ENTREP2: variants seen among roughly 807,000 people sequenced by gnomAD.
ENTREP2 encodes the protein endosomal transmembrane epsin interactor 2.
chr15:29,205,758 C>T, the ENTREP2 span, among the ~76,000 whole-genome samples: 2 of 152,192 alleles, frequency 1.3e-5, no homozygotes, highest in South Asian at 4.1e-4. Flanking sequence ...TTTTCACCCA[C>T]GGAGCCTCTT....
the ENTREP2 span, among the ~76,000 whole-genome samples, chr15:29,138,698 T>TAG: frequency 5.4e-5 from 5 of 91,894 alleles, no homozygotes; most frequent in South Asian, 5.6e-4. Flanking sequence ...TATGTGTGTG[T>TAG]ATGCGTGTGT....
At chr15:29,403,095 T>TC in the ENTREP2 span, among the ~76,000 whole-genome samples, 1 of 151,918 alleles carries the variant, frequency 6.6e-6, no homozygotes, top group Admixed American at 6.6e-5. Context: ...AGTGACGGGG[T>TC]CCAAGGTGGC....
At chr15:29,615,146 C>G in the ENTREP2 span, among the ~76,000 whole-genome samples, 5 of 151,072 alleles carry the variant, frequency 3.3e-5, no homozygotes, top group African/African-American at 7.3e-5. Context: ...TCTTCTCTCA[C>G]AAATTTTTTT....
chr15:29,594,377 C>T, the ENTREP2 span, among the ~76,000 whole-genome samples: 1 of 152,094 alleles, frequency 6.6e-6, no homozygotes, highest in South Asian at 2.1e-4. Context: ...GAGCTTCCTC[C>T]CCGACATGCC....
At chr15:29,553,423 T>C in the ENTREP2 span, among the ~76,000 whole-genome samples, 1 of 152,242 alleles carries the variant, frequency 6.6e-6, no homozygotes, top group Non-Finnish European at 1.5e-5. Flanking sequence ...AGCAAAATGA[T>C]ACTAATAGTA....
At chr15:29,538,672 G>A in the ENTREP2 span, among the ~76,000 whole-genome samples, 5 of 150,700 alleles carry the variant, frequency 3.3e-5, no homozygotes, top group Admixed American at 1.3e-4. Context: ...GTAGGGGCGT[G>A]GTGGCGGGCG....
the ENTREP2 span, among the ~76,000 whole-genome samples, chr15:29,599,555 G>A: frequency 6.6e-6 from 1 of 152,154 alleles, no homozygotes; most frequent in Non-Finnish European, 1.5e-5. Context: ...GTGCTTCCTT[G>A]GACAAGTTAC....
chr15:29,315,685 A>C, the ENTREP2 span, among the ~76,000 whole-genome samples: 33 of 152,344 alleles, frequency 2.2e-4, no homozygotes, highest in African/African-American at 7.5e-4. Context: ...CTCACAGTCC[A>C]AAGTAATAAG....
the ENTREP2 span, among the ~76,000 whole-genome samples, chr15:29,119,933 A>ACAT: frequency 1.2e-4 from 18 of 152,304 alleles, no homozygotes; most frequent in Admixed American, 6.5e-4. Context: ...CAAATCATAC[A>ACAT]CATCTTTAAA....
chr15:29,469,693 A>C, the ENTREP2 span, among the ~76,000 whole-genome samples: 14 of 152,342 alleles, frequency 9.2e-5, no homozygotes, highest in East Asian at 2.5e-3. Flanking sequence ...ACTCAATGCC[A>C]CTGAGTTGTA....
the ENTREP2 span, among the ~76,000 whole-genome samples, chr15:29,165,205 G>A: frequency 5.9e-4 from 89 of 152,064 alleles, no homozygotes; most frequent in African/African-American, 2.0e-3. Flanking sequence ...AGCCCTAAAC[G>A]CCTACATCAA....
At chr15:29,506,256 T>C in the ENTREP2 span, among the ~76,000 whole-genome samples, 6 of 152,090 alleles carry the variant, frequency 3.9e-5, no homozygotes, top group African/African-American at 1.2e-4. Context: ...TATGGGACTA[T>C]GTGAAAAGAC....
the ENTREP2 span, among the ~76,000 whole-genome samples, chr15:29,380,933 C>T: frequency 6.7e-6 from 1 of 150,054 alleles, no homozygotes; most frequent in Non-Finnish European, 1.5e-5. Context: ...CTCACTGCAA[C>T]CTCTACCTCC....
chr15:29,135,632 G>A, the ENTREP2 span, among the ~76,000 whole-genome samples: 3,212 of 152,130 alleles, frequency 0.021, 58 homozygotes, highest in Middle Eastern at 0.044. This position sits in a 1 kb window ranked among gnomAD's most constrained non-coding sequence, Gnocchi z 7.4. Flanking sequence ...ATCCCATTTC[G>A]TCCCATAACC....
At chr15:29,347,437 T>C in the ENTREP2 span, among the ~76,000 whole-genome samples, 1 of 152,018 alleles carries the variant, frequency 6.6e-6, no homozygotes, top group African/African-American at 2.4e-5. Flanking sequence ...CCCAAAAAGC[T>C]TGGAATTACA....
the ENTREP2 span, among the ~76,000 whole-genome samples, chr15:29,655,178 G>A: frequency 6.6e-6 from 1 of 152,174 alleles, no homozygotes; most frequent in South Asian, 2.1e-4. Context: ...CCCTCCAGTA[G>A]CCTCAGCTTT....
the ENTREP2 span, among the ~76,000 whole-genome samples, chr15:29,416,996 C>T: frequency 0.011 from 1,721 of 152,274 alleles, 33 homozygotes; most frequent in African/African-American, 0.04. Flanking sequence ...CAGGAAACAA[C>T]AGGTGCTGGA....
the ENTREP2 span, among the ~76,000 whole-genome samples, chr15:29,643,000 C>T: frequency 6.6e-6 from 1 of 152,114 alleles, no homozygotes; most frequent in Admixed American, 6.6e-5. Flanking sequence ...ATTCCACATG[C>T]AAAACTGAAA....
chr15:29,177,105 TA>T, the ENTREP2 span, among the ~76,000 whole-genome samples: 3 of 152,202 alleles, frequency 2.0e-5, no homozygotes, highest in South Asian at 2.1e-4. Flanking sequence ...GCTGAGCAGC[TA>T]GGGGTGGTGG....
Sources: allele counts gnomAD v4.1 joint callset (sites outside exome capture counted in the v4.1 genomes callset), GRCh38; gene constraint gnomAD v4.1.1; non-coding constraint Gnocchi (gnomAD v3.1); transcripts MANE v1.5; gene names NCBI Gene and HGNC (gene_info 2026-07-23, HGNC 2026-07-21).